Variants in SMARCC1 observed in about 807,000 individuals in gnomAD.
SMARCC1 encodes the protein SWI/SNF related BAF chromatin remodeling complex subunit C1, also known as SWI/SNF complex subunit SMARCC1.
A neutral mutation model predicts 147.4 loss-of-function variants in SMARCC1; 43 were observed. The ratio of observed to expected loss-of-function variants is 0.29; its 90% confidence interval spans 0.23 to 0.38. The LOEUF (loss-of-function observed/expected upper bound fraction) is 0.38, where lower values mean the gene tolerates loss of function less well. Among genes scored for constraint, SMARCC1 ranks in the 10% least tolerant of loss-of-function variants. The pLI is 1.00. For synonymous variants in SMARCC1, 495 were observed against 484.4 expected (o/e 1.02, Z -0.29); for missense variants, 1,119 against 1,381.1 (o/e 0.81, Z 3.01).
At chr3:47,606,265 T>C (rs2032471547) in intron 26 of SMARCC1, among the ~76,000 whole-genome samples, 1 of 152,208 alleles carries the variant, frequency 6.6e-6, no homozygotes, top group South Asian at 2.1e-4. Context: ...TTCACTAGAA[T>C]AGCTGTATCT....
chr3:47,592,177 C>A (rs1416406382), intron 26 of SMARCC1, among the ~76,000 whole-genome samples: 2 of 152,194 alleles, frequency 1.3e-5, no homozygotes, highest in African/African-American at 2.4e-5. Flanking sequence ...TTCAGTTTCA[C>A]AATGAGCCTT....
At chr3:47,588,967 C>T (rs751267823) in intron 27 of SMARCC1, among the ~76,000 whole-genome samples, 6 of 152,196 alleles carry the variant, frequency 3.9e-5, no homozygotes, top group Non-Finnish European at 7.4e-5. Context: ...CTTTAGTGTA[C>T]AAAAGAACCC....
At chr3:47,779,144 A>G (rs1233133836) in intron 1 of SMARCC1, among the ~76,000 whole-genome samples, 1 of 151,966 alleles carries the variant, frequency 6.6e-6, no homozygotes, top group Admixed American at 6.6e-5. Flanking sequence ...CACTGAATGC[A>G]TGAGCTGAAT....
chr3:47,701,957 C>A (rs952408350), intron 10 of SMARCC1, among the ~76,000 whole-genome samples: 2 of 151,808 alleles, frequency 1.3e-5, no homozygotes, highest in African/African-American at 4.8e-5. Flanking sequence ...TAGACAATTG[C>A]GGGCAGTATC....
chr3:47,617,985 T>G (rs1385803270), intron 25 of SMARCC1, among the ~76,000 whole-genome samples: 1 of 152,130 alleles, frequency 6.6e-6, no homozygotes, highest in Non-Finnish European at 1.5e-5. Context: ...CCATGGCAAT[T>G]TATAACTAAT....
chr3:47,694,648 C>T (rs905267490), intron 11 of SMARCC1, among the ~76,000 whole-genome samples: 1 of 152,186 alleles, frequency 6.6e-6, no homozygotes, highest in African/African-American at 2.4e-5. Flanking sequence ...TGAATGTCTT[C>T]ATTAATTTAC....
chr3:47,622,231 A>G lies in SMARCC1; in HGVS notation c.2757T>C (p.Thr919=). 6.2e-7 allele frequency: 1 copy of G among 1,603,816 alleles called. No individual in the cohort carries two copies. Among genetic ancestry groups the G allele is most frequent in the Non-Finnish European group, 8.5e-7 (1 of 1,177,750 alleles). ...CAGCTTCTTTCTCTCTGTCCATGAT[A>G]GTTTCCAGCTCTTCAAAATGTCGAA... The part of the protein sequence containing the change: ...IKLRHFEELE[T]IMDREKEALE... Residue 919 remains threonine, a synonymous_variant, in exon 25 of 28, where the codon ACT becomes ACC. Coordinates refer to ENST00000254480, the MANE Select transcript of SMARCC1 (RefSeq NM_003074.4).
chr3:47,675,419 T>C, intron 18 of SMARCC1, 56 bp downstream of exon 18: 1 of 832,636 alleles, frequency 1.2e-6, no homozygotes, highest in Non-Finnish European at 2.1e-6. Context: ...ATTAGATGTA[T>C]CTTAGAAGGA....
intron 21 of SMARCC1, 64 bp from the exon 22 acceptor site, chr3:47,638,844 A>C: frequency 9.4e-7 from 1 of 1,068,244 alleles, no homozygotes; most frequent in Admixed American, 1.7e-5. Context: ...ATTATTATAC[A>C]GCTGTGAGAG....
In SMARCC1 at chr3:47,590,747, C is replaced by T. The variant is rs1159840100; in HGVS notation, c.3134G>A (p.Gly1045Glu). 3.7e-6 allele frequency: 6 copies of T among 1,603,550 alleles called. No individual in the cohort carries two copies. The South Asian group carries it at 4.5e-5, about 12-fold the overall frequency. ...CATGCCAGGAGGGGTAGGGCCACTCCCAGAGGGGTGGATGTTGGCTGCAAC... is the reference window on the plus strand; with the variant it reads ...CATGCCAGGAGGGGTAGGGCCACTCTCAGAGGGGTGGATGTTGGCTGCAAC... ...PTVAANIHPS[G>E]SGPTPPGMPP... Residue 1045 changes from glycine (G) to glutamate (E), a missense_variant, in exon 27 of 28, where the codon GGG (glycine) becomes GAG (glutamate). Physicochemically the swap from Gly to Glu is moderately conservative, Grantham distance 98 (BLOSUM62 -2). Coordinates refer to ENST00000254480, the MANE Select transcript of SMARCC1 (RefSeq NM_003074.4).
chr3:47,644,848 G>A (rs2033097047), intron 21 of SMARCC1, among the ~76,000 whole-genome samples: 1 of 152,088 alleles, frequency 6.6e-6, no homozygotes. Flanking sequence ...TAAAAGGTTG[G>A]TTTTATGCAA....
intron 2 of SMARCC1, among the ~76,000 whole-genome samples, chr3:47,759,847 G>A (rs1157997273): frequency 6.6e-6 from 1 of 151,872 alleles, no homozygotes; most frequent in Non-Finnish European, 1.5e-5. Context: ...TGACGCAGGA[G>A]AATCGCTTGA....
intron 21 of SMARCC1, 58 bp from the exon 22 acceptor site, chr3:47,638,838 T>C (rs2033009504): frequency 8.7e-7 from 1 of 1,155,046 alleles, no homozygotes; most frequent in African/African-American, 1.5e-5. Flanking sequence ...AAAGCTATTA[T>C]TATACAGCTG....
intron 11 of SMARCC1, among the ~76,000 whole-genome samples, chr3:47,698,307 T>C (rs2033878583): frequency 6.6e-6 from 1 of 152,084 alleles, no homozygotes. Context: ...GAAGAAAGCT[T>C]CCTGAAATTG....
At chr3:47,636,600 G>C (rs1191204006) in intron 22 of SMARCC1, among the ~76,000 whole-genome samples, 1 of 151,992 alleles carries the variant, frequency 6.6e-6, no homozygotes, top group Non-Finnish European at 1.5e-5. Flanking sequence ...ATACAAAAAA[G>C]AAATTAGCCG....
chr3:47,705,374 A>G (rs1394505461), intron 10 of SMARCC1, among the ~76,000 whole-genome samples: 1 of 151,778 alleles, frequency 6.6e-6, no homozygotes, highest in Non-Finnish European at 1.5e-5. Flanking sequence ...CCCCATAAAC[A>G]GCTAACGAAA....
Position 47,675,545 on chromosome 3 carries a change from T to C in SMARCC1, c.1769A>G (p.Lys590Arg), listed in dbSNP as rs750255642. The change falls in exon 18 of 28, where the codon AAG becomes AGG. Residue 590 changes from lysine (K) to arginine (R), a missense_variant. Lys to Arg is a conservative substitution (Grantham distance 26). Transcript: ENST00000254480. ...QQMLNFPEKNKEKPVDLQNFG... is the reference protein window; with the variant it reads ...QQMLNFPEKNREKPVDLQNFG... The stretch of plus-strand genomic sequence containing the variant: ...GTTCTGCAAATCAACTGGTTTTTCC[T>C]TGTTTTTCTCAGGAAAATTTAGCAT... 9 of 1,612,796 alleles carry C rather than the reference T, an allele frequency of 5.6e-6. No individual in the cohort carries two copies. In the South Asian group the frequency reaches 9.9e-5, roughly 18 times the overall value.
chr3:47,601,794 G>C (rs1322798137), intron 26 of SMARCC1: 1 of 151,748 alleles, frequency 6.6e-6, no homozygotes, highest in African/African-American at 2.4e-5. Context: ...CTGCCTCCTG[G>C]GTTCAAGCGA....
chr3:47,724,341 A>G (rs73831528), intron 6 of SMARCC1, among the ~76,000 whole-genome samples: 2,777 of 152,334 alleles, frequency 0.018, 84 homozygotes, highest in African/African-American at 0.064. Context: ...TGAATGAACA[A>G]TAAGGACACT....
Sources: allele counts gnomAD v4.1 joint callset (sites outside exome capture counted in the v4.1 genomes callset), GRCh38; gene constraint gnomAD v4.1.1; transcripts MANE v1.5; gene names NCBI Gene and HGNC (gene_info 2026-07-23, HGNC 2026-07-21).